ITGB1: variants seen among roughly 807,000 people sequenced by gnomAD.
ITGB1 encodes integrin beta-1.
Under a neutral mutation model 86.5 loss-of-function variants are expected in ITGB1, and 24 were observed. The observed-to-expected ratio is 0.28, with a 90% confidence interval of 0.20 to 0.39. The LOEUF (loss-of-function observed/expected upper bound fraction) is 0.39. Ranked by LOEUF, ITGB1 falls within the 10% of genes least tolerant of loss-of-function variation. The pLI is 1.00. For synonymous variants in ITGB1, 323 were observed against 316.8 expected (o/e 1.02, Z -0.21); for missense variants, 556 against 946.9 (o/e 0.59, Z 5.42).
At chr10:32,933,600 A>G (rs1176835467) in intron 2 of ITGB1, 3 of 152,186 alleles carry the variant, frequency 2.0e-5, no homozygotes, top group Non-Finnish European at 4.4e-5. Context: ...AACACACAAG[A>G]GCATAAAGAA....
In ITGB1 at chr10:32,901,623, T is replaced by C; in HGVS notation, c.2344A>G (p.Ile782Val). ...ACAGTTGTTACGGCACTCTTATAAA[T>C]AGGATTTTCACCCTACAACAAAAAA... ...NAKWDTGENPIYKSAVTTVVN... is the reference protein window; with the variant it reads ...NAKWDTGENPVYKSAVTTVVN... Residue 782 changes from isoleucine to valine, a missense_variant, in exon 16 of 16, where the codon ATT becomes GTT. Transcript: ENST00000302278. The C allele has an allele frequency of 6.2e-7, 1 of 1,602,108 alleles. No homozygotes were observed. Among genetic ancestry groups the C allele is most frequent in the Non-Finnish European group, 8.5e-7 (1 of 1,171,488 alleles).
At chr10:32,921,014 C>T (rs1470441204) in intron 9 of ITGB1, among the ~76,000 whole-genome samples, 3 of 142,056 alleles carry the variant, frequency 2.1e-5, no homozygotes, top group Non-Finnish European at 4.7e-5. Context: ...AACAGAAACC[C>T]CCCAAAAAAA....
intron 1 of ITGB1, among the ~76,000 whole-genome samples, chr10:32,948,678 C>A: frequency 6.6e-6 from 1 of 152,106 alleles, no homozygotes; most frequent in African/African-American, 2.4e-5. Context: ...GGAGTTTGGC[C>A]TCCTTCTCTT....
intron 1 of ITGB1, chr10:32,935,899 G>A (rs571619236): frequency 1.1e-5 from 2 of 175,720 alleles, no homozygotes; most frequent in African/African-American, 4.7e-5. Flanking sequence ...ACCTACCAAT[G>A]GTCTCAGCCC....
At chr10:32,938,456 C>A (rs948026834) in intron 1 of ITGB1, among the ~76,000 whole-genome samples, 5 of 152,216 alleles carry the variant, frequency 3.3e-5, no homozygotes, top group Non-Finnish European at 5.9e-5. Flanking sequence ...ACAATTTAGA[C>A]AATCACCACT....
At chr10:32,913,419 G>GA (rs1565820645) in intron 11 of ITGB1, among the ~76,000 whole-genome samples, 1 of 152,046 alleles carries the variant, frequency 6.6e-6, no homozygotes, top group African/African-American at 2.4e-5. Flanking sequence ...TAAAAACCTT[G>GA]AAAAAAGACT....
rs949027368 is a variant in ITGB1 at position 32,928,656 on chromosome 10, G to A, written c.377-392C>T. Among the ~76,000 whole-genome samples, 3 of 152,118 alleles carry A rather than the reference G, an allele frequency of 2.0e-5. No homozygotes were observed. In the South Asian group the frequency reaches 6.2e-4, roughly 32 times the overall value. On this transcript the variant is annotated intron_variant, in intron 4 of 15. Coordinates refer to ENST00000302278, the MANE Select transcript of ITGB1 (RefSeq NM_002211.4). ...TGTGAACTCTGTTCTGTGTGTAGTG[G>A]GATGCCACTCCCTGCAAGTGAATAA... is the stretch of plus-strand genomic sequence containing the variant.
intron 1 of ITGB1, among the ~76,000 whole-genome samples, chr10:32,943,656 T>C (rs939266702): frequency 3.9e-5 from 6 of 151,996 alleles, no homozygotes; most frequent in Admixed American, 3.3e-4. Context: ...AGACAGGCAG[T>C]CTTGGGGGAA....
intron 1 of ITGB1, among the ~76,000 whole-genome samples, chr10:32,957,300 G>T (rs1308413173): frequency 6.6e-6 from 1 of 152,218 alleles, no homozygotes; most frequent in African/African-American, 2.4e-5. Flanking sequence ...TACTTAGAGA[G>T]TAGGAGTCTC....
rs139213078 is a variant in ITGB1, at chr10:32,900,671, TAAA to T, written c.*896_*898del. The T allele has an allele frequency of 7.3e-6, 1 of 137,082 alleles. No homozygotes were observed. Among genetic ancestry groups the T allele is most frequent in the Non-Finnish European group, 1.6e-5 (1 of 62,568 alleles). 8.5% of individuals were successfully genotyped at this position (137,082 alleles called of 1,614,324 possible). A position where few individuals can be genotyped will look rare whatever the true frequency, so the allele number is the denominator to read the frequency against. On this transcript the variant is annotated 3_prime_UTR_variant, in exon 16 of 16. Coordinates refer to ENST00000302278, the MANE Select transcript of ITGB1 (RefSeq NM_002211.4). ...TAAAACTTCAAAGAAAAAGTACTCA[TAAA>T]AAAAGTCTTACCCCAAAATTGCAAA...
Position 32,912,024 on chromosome 10 carries a change from T to C in ITGB1, c.1570A>G (p.Ile524Val), listed in dbSNP as rs2094915014. The change falls in exon 12 of 16, where the codon ATC (isoleucine) becomes GTC (valine). Residue 524 changes from isoleucine to valine, a missense_variant. Ile to Val is a conservative substitution (Grantham distance 29). Around this residue, in one of 4 missense-constraint regions of ITGB1, gnomAD observed 330 missense variants for 531.5 expected, o/e 0.62. Transcript: ENST00000302278. ...ACGCACTCTCCATTGTTACTGCAGATTTCTGAACTGTTTTCTTTCCTGCAG... is the reference window on the plus strand; with the variant it reads ...ACGCACTCTCCATTGTTACTGCAGACTTCTGAACTGTTTTCTTTCCTGCAG... ...AYCRKENSSE[I>V]CSNNGECVCG... The C allele has an allele frequency of 6.2e-7, 1 of 1,614,158 alleles. No homozygotes were observed. The highest frequency in any genetic ancestry group is 1.1e-5 in the South Asian group (1 of 91,082).
chr10:32,911,798 T>C (rs1054562007), intron 12 of ITGB1, 88 bp downstream of exon 12: 14 of 1,426,082 alleles, frequency 9.8e-6, no homozygotes, highest in Middle Eastern at 3.6e-4. Context: ...AAGCTACCCC[T>C]TTTCTACTTA....
At position 32,937,513 on chromosome 10, in the gene ITGB1, G is replaced by A. The variant is rs542900900; in HGVS notation, c.1-1955C>T. ...GGAGGTTGCAGTGAGCCAAGATCGC[G>A]CCACTGTACTCTAGCCTGGCGAAAG... On this transcript the variant is annotated intron_variant, in intron 1 of 15. Transcript: ENST00000302278. 1.9e-3 allele frequency among the ~76,000 whole-genome samples: 255 copies of A among 131,498 alleles called. 1 individual carries two copies. The highest frequency in any genetic ancestry group is 3.0e-3 in the Non-Finnish European group (198 of 65,658). 86.3% of individuals were successfully genotyped at this position (131,498 alleles called of 152,430 possible).
Position 32,901,355 on chromosome 10 carries a change from G to A in ITGB1, c.*215C>T. 2.2e-6 allele frequency: 1 copy of A among 460,752 alleles called. No individual in the cohort carries two copies. Among genetic ancestry groups the A allele is most frequent in the South Asian group, 4.8e-5 (1 of 20,758 alleles). 28.5% of individuals were successfully genotyped at this position (460,752 alleles called of 1,614,324 possible). The stretch of plus-strand genomic sequence containing the variant: ...GGCACAATGTGACCTTAGCTGACAA[G>A]AGTAACCATCCTGTCTCAAGTCTTT... On this transcript the variant is annotated 3_prime_UTR_variant, in exon 16 of 16. Transcript: ENST00000302278.
Position 32,900,399 on chromosome 10 carries a change from TA to T in ITGB1, c.*1170del, listed in dbSNP as rs2094878738. The T allele has an allele frequency of 6.6e-6, 1 of 152,606 alleles. No homozygotes were observed. Among genetic ancestry groups the T allele is most frequent in the African/African-American group, 2.4e-5 (1 of 41,452 alleles). The allele number at this position is 152,606 out of a possible 1,614,324, so 9.5% of individuals were successfully genotyped here. ...TACATCAGAGTCAAGACATCCGATT[TA>T]AGTATTTTAGGCATATTTAATAAAT... is the stretch of plus-strand genomic sequence containing the variant. On this transcript the variant is annotated 3_prime_UTR_variant, in exon 16 of 16. Coordinates refer to ENST00000302278, the MANE Select transcript of ITGB1 (RefSeq NM_002211.4).
chr10:32,910,592 G>C (rs984268560), intron 13 of ITGB1, 137 bp from the exon 14 acceptor site: 18 of 557,940 alleles, frequency 3.2e-5, no homozygotes, highest in African/African-American at 3.2e-4. Flanking sequence ...TAAATGAAGA[G>C]GAACATTACA....
chr10:32,911,120 C>T (rs770581506), intron 13 of ITGB1, among the ~76,000 whole-genome samples: 20 of 152,062 alleles, frequency 1.3e-4, no homozygotes, highest in Non-Finnish European at 2.6e-4. Context: ...TTAGTTTTGT[C>T]AAAAGACAGT....
chr10:32,931,242 C>G (rs766023199), intron 3 of ITGB1, among the ~76,000 whole-genome samples: 2 of 152,042 alleles, frequency 1.3e-5, no homozygotes, highest in African/African-American at 2.4e-5. Flanking sequence ...AATCAATCCA[C>G]GAAATTTACA....
At chr10:32,952,414 T>C (rs2095044316) in intron 1 of ITGB1, among the ~76,000 whole-genome samples, 1 of 151,490 alleles carries the variant, frequency 6.6e-6, no homozygotes, top group Non-Finnish European at 1.5e-5. Flanking sequence ...AACATAACAT[T>C]ATACTACCAA....
Sources: allele counts gnomAD v4.1 joint callset (sites outside exome capture counted in the v4.1 genomes callset), GRCh38; gene constraint gnomAD v4.1.1; regional missense constraint gnomAD v4.1.1; transcripts MANE v1.5; gene names NCBI Gene and HGNC (gene_info 2026-07-23, HGNC 2026-07-21).